Variants in TSG101 observed in about 807,000 individuals in gnomAD.
TSG101 encodes the protein tumor susceptibility gene 101 protein.
TSG101 carries 19 observed loss-of-function variants against 48.5 expected under a neutral mutation model. The observed-to-expected ratio is 0.39, with a 90% confidence interval of 0.27 to 0.58. The LOEUF (loss-of-function observed/expected upper bound fraction) is 0.58. Among genes scored for constraint, TSG101 ranks in the 20% least tolerant of loss-of-function variants. The pLI is 0.55. For synonymous variants in TSG101, 174 were observed against 169.4 expected (o/e 1.03, Z -0.21); for missense variants, 365 against 484.4 (o/e 0.75, Z 2.31).
intron 4 of TSG101, 72 bp from the exon 5 acceptor site, chr11:18,509,737 C>A: frequency 6.8e-7 from 1 of 1,462,732 alleles, no homozygotes; most frequent in Non-Finnish European, 9.1e-7. Context: ...TTAGCCATTT[C>A]TCATCGGTTT....
intron 6 of TSG101, among the ~76,000 whole-genome samples, chr11:18,506,386 TC>T (rs1213853683): frequency 2.1e-5 from 2 of 96,726 alleles, no homozygotes; most frequent in Non-Finnish European, 2.7e-5. Context: ...AATACTCTCT[TC>T]TTTTAAAAAA....
chr11:18,481,372 A>G, intron 9 of TSG101: 1 of 1,221,422 alleles, frequency 8.2e-7, no homozygotes, highest in Non-Finnish European at 1.0e-6. Context: ...CAGGCACAGA[A>G]GAGTTACACT....
At chr11:18,501,521 AAT>A (rs1483554821) in intron 7 of TSG101, among the ~76,000 whole-genome samples, 1 of 152,158 alleles carries the variant, frequency 6.6e-6, no homozygotes, top group Non-Finnish European at 1.5e-5. Flanking sequence ...ATAACCTTGT[AAT>A]ATATTTTGAA....
chr11:18,519,292 C>T (rs1850229903), intron 2 of TSG101, among the ~76,000 whole-genome samples: 1 of 152,086 alleles, frequency 6.6e-6, no homozygotes, highest in East Asian at 1.9e-4. Context: ...AAATGAGCCA[C>T]CACATCCAGG....
intron 6 of TSG101, among the ~76,000 whole-genome samples, chr11:18,503,840 C>A (rs1293297784): frequency 6.6e-6 from 1 of 152,072 alleles, no homozygotes; most frequent in Non-Finnish European, 1.5e-5. Flanking sequence ...TCAATTAATC[C>A]TATTTTAGCT....
In TSG101 at chr11:18,506,840, A is replaced by T; in HGVS notation, c.548+17T>A. ...AGAATTTGTAATACAATTATTCAAA[A>T]GAACGTTTTTCATTACCTGGGATTG... On this transcript the variant is annotated intron_variant, in intron 6 of 9. Transcript: ENST00000251968. The T allele has an allele frequency of 6.4e-7, 1 of 1,560,076 alleles. No individual in the cohort carries two copies. Among genetic ancestry groups the T allele is most frequent in the Non-Finnish European group, 8.7e-7 (1 of 1,148,724 alleles).
chr11:18,501,656 T>C (rs1343163631), intron 7 of TSG101, among the ~76,000 whole-genome samples: 4 of 152,252 alleles, frequency 2.6e-5, no homozygotes, highest in East Asian at 1.9e-4. Context: ...GAAACTGACA[T>C]TGGTATTTCG....
At chr11:18,482,531 T>A (rs542377833) in intron 8 of TSG101, among the ~76,000 whole-genome samples, 2 of 152,310 alleles carry the variant, frequency 1.3e-5, no homozygotes, top group East Asian at 3.9e-4. Context: ...TTCTCCCTCA[T>A]GGGGATGAAA....
chr11:18,524,211 A>G (rs1287846550), intron 1 of TSG101, among the ~76,000 whole-genome samples: 1 of 152,274 alleles, frequency 6.6e-6, no homozygotes. Context: ...TGTTTCTGTA[A>G]AAGAAGAAGG....
At chr11:18,502,222 T>G (rs1849900201) in intron 7 of TSG101, among the ~76,000 whole-genome samples, 1 of 152,240 alleles carries the variant, frequency 6.6e-6, no homozygotes, top group Admixed American at 6.5e-5. Context: ...TATCTGCTAA[T>G]AGTTCAACAC....
chr11:18,510,873 C>G (rs189002634), intron 4 of TSG101, among the ~76,000 whole-genome samples: 1 of 152,136 alleles, frequency 6.6e-6, no homozygotes, highest in African/African-American at 2.4e-5. Flanking sequence ...AGTATGACTG[C>G]GCCACTGCAC....
Position 18,483,927 on chromosome 11 carries a change from GTCT to G in TSG101, c.783_785del (p.Glu261del), listed in dbSNP as rs1361949662. 3.7e-6 allele frequency: 6 copies of G among 1,613,922 alleles called. No individual in the cohort carries two copies. The highest frequency in any genetic ancestry group is 1.3e-5 in the African/African-American group (1 of 74,864). ...CCAGTTTCTGGTGACCCTTTTTCAG[GTCT>G]TCTTCTGTTCGTTTCAAGGCATTGA... On this transcript the variant is annotated inframe_deletion, in exon 8 of 10. Transcript: ENST00000251968.
chr11:18,498,315 C>T (rs559276792), intron 7 of TSG101, among the ~76,000 whole-genome samples: 54 of 152,086 alleles, frequency 3.6e-4, no homozygotes, highest in African/African-American at 1.2e-3. Flanking sequence ...AGGAGTGATA[C>T]AATTTATTTA....
chr11:18,501,422 G>A (rs1849885494), intron 7 of TSG101, among the ~76,000 whole-genome samples: 1 of 152,158 alleles, frequency 6.6e-6, no homozygotes, highest in Non-Finnish European at 1.5e-5. Context: ...TCAGTTGGCT[G>A]TAAATATGTA....
At chr11:18,526,591 C>G (rs1850378694) in intron 1 of TSG101, among the ~76,000 whole-genome samples, 184 bp downstream of exon 1, 1 of 152,252 alleles carries the variant, frequency 6.6e-6, no homozygotes, top group Non-Finnish European at 1.5e-5. Flanking sequence ...TCCCAGCTCC[C>G]GTACGGGGAT....
At chr11:18,516,608 T>C (rs760124493) in intron 2 of TSG101, among the ~76,000 whole-genome samples, 3 of 151,916 alleles carry the variant, frequency 2.0e-5, no homozygotes, top group Non-Finnish European at 4.4e-5. Context: ...CCTCCCAAAG[T>C]GCTGGGATTA....
intron 3 of TSG101, 114 bp from the exon 4 acceptor site, chr11:18,514,955 C>T (rs1850147488): frequency 2.1e-6 from 2 of 946,036 alleles, no homozygotes; most frequent in Admixed American, 7.0e-5. Context: ...TCCGCATCCC[C>T]CCCATTCCTA....
intron 4 of TSG101, chr11:18,511,060 G>A (rs948953749): frequency 6.6e-6 from 1 of 152,174 alleles, no homozygotes; most frequent in Non-Finnish European, 1.5e-5. Flanking sequence ...TCTATTTTGT[G>A]TATATCTCAT....
chr11:18,525,067 A>G (rs1273288111), intron 1 of TSG101, among the ~76,000 whole-genome samples: 1 of 151,780 alleles, frequency 6.6e-6, no homozygotes, highest in East Asian at 2.0e-4. Context: ...ACCCGCCATC[A>G]TGCCCGGCTA....
Sources: allele counts gnomAD v4.1 joint callset (sites outside exome capture counted in the v4.1 genomes callset), GRCh38; gene constraint gnomAD v4.1.1; transcripts MANE v1.5; gene names NCBI Gene and HGNC (gene_info 2026-07-23, HGNC 2026-07-21).